The following ERBB4 variants were observed in gnomAD, a reference collection of about 807,000 sequenced individuals.
ERBB4 encodes erb-b2 receptor tyrosine kinase 4, also known as receptor tyrosine-protein kinase erbB-4.
ERBB4 carries 42 observed loss-of-function variants against 158.0 expected under a neutral mutation model. The ratio of observed to expected loss-of-function variants is 0.27; its 90% CI spans 0.21 to 0.34. ERBB4 has a LOEUF of 0.34. Ranked by LOEUF, ERBB4 falls within the 10% of genes least tolerant of loss-of-function variation. The probability of loss-of-function intolerance (pLI) is 1.00; values close to 1 mark genes in which losing one functional copy is unlikely to be tolerated. For missense variants in ERBB4, 1,333 were observed against 1,624.1 expected (o/e 0.82, Z 3.08); for synonymous variants, 583 against 558.7 (o/e 1.04, Z -0.61).
chr2:211,591,965 T>C (rs2068481036), intron 19 of ERBB4, among the ~76,000 whole-genome samples: 1 of 152,208 alleles, frequency 6.6e-6, no homozygotes, highest in South Asian at 2.1e-4. Flanking sequence ...TTGAGACGAA[T>C]TAAGAGTCCA....
At chr2:212,040,835 T>G (rs1020283737) in intron 2 of ERBB4, among the ~76,000 whole-genome samples, 6 of 152,164 alleles carry the variant, frequency 3.9e-5, no homozygotes, top group Admixed American at 1.3e-4. Flanking sequence ...TTTTACCCTT[T>G]GCCTTCTTCA....
At chr2:211,505,107 G>A (rs971877071) in intron 20 of ERBB4, among the ~76,000 whole-genome samples, 8 of 151,880 alleles carry the variant, frequency 5.3e-5, no homozygotes, top group African/African-American at 1.9e-4. Context: ...CAGAACACCT[G>A]GAAGATACTA....
chr2:212,484,243 T>C (rs1030244822), intron 1 of ERBB4, among the ~76,000 whole-genome samples: 1 of 152,234 alleles, frequency 6.6e-6, no homozygotes, highest in East Asian at 1.9e-4. Flanking sequence ...GGGACAATAA[T>C]AGAACGTAAT....
intron 2 of ERBB4, among the ~76,000 whole-genome samples, chr2:212,059,595 A>C (rs2077695987): frequency 6.6e-6 from 1 of 152,174 alleles, no homozygotes; most frequent in Non-Finnish European, 1.5e-5. Context: ...CAAAACAGAG[A>C]TATAGACCAA....
At chr2:212,176,162 C>A (rs11889311) in intron 1 of ERBB4, among the ~76,000 whole-genome samples, 55,471 of 151,810 alleles carry the variant, frequency 0.37, 12,798 homozygotes, top group African/African-American at 0.66. Context: ...CAGGCTAACC[C>A]TTGCTGTGCT....
intron 2 of ERBB4, among the ~76,000 whole-genome samples, chr2:212,057,035 T>C (rs1409254710): frequency 6.6e-6 from 1 of 152,024 alleles, no homozygotes; most frequent in African/African-American, 2.4e-5. Flanking sequence ...AGGAGACCCA[T>C]CTCACGTGCA....
Position 211,583,753 on chromosome 2 carries a change from G to A in ERBB4, c.2302-21665C>T, listed in dbSNP as rs151285330. Among the ~76,000 whole-genome samples the A allele has an allele frequency of 2.2e-3, 329 of 150,902 alleles. 3 individuals carry two copies. The highest frequency in any genetic ancestry group is 7.7e-3 in the African/African-American group (316 of 41,252). On this transcript the variant is annotated intron_variant, in intron 19 of 27. Transcript: ENST00000342788. ...TGTTAATATAAACAATCCAATTTAC[G>A]AATAAAGAAATCATAAAGAGGTCAC...
At chr2:212,457,817 A>G (rs1688375450) in intron 1 of ERBB4, among the ~76,000 whole-genome samples, 1 of 152,036 alleles carries the variant, frequency 6.6e-6, no homozygotes. Context: ...TTGCACTAAC[A>G]TCCTGGAATC....
chr2:212,069,002 G>A (rs2078028644), intron 2 of ERBB4, among the ~76,000 whole-genome samples: 1 of 152,046 alleles, frequency 6.6e-6, no homozygotes. Context: ...CTGCCACCAT[G>A]TAAGACATCA....
At chr2:212,085,555 G>T (rs1176225947) in intron 2 of ERBB4, among the ~76,000 whole-genome samples, 1 of 151,802 alleles carries the variant, frequency 6.6e-6, no homozygotes, top group East Asian at 1.9e-4. Context: ...AGACATTTGG[G>T]CTTAGGTCAT....
At chr2:211,620,973 A>G (rs1156999145) in intron 18 of ERBB4, among the ~76,000 whole-genome samples, 2 of 151,900 alleles carry the variant, frequency 1.3e-5, no homozygotes, top group Non-Finnish European at 2.9e-5. Flanking sequence ...AAATGAGCTG[A>G]GTGTGCTGGC....
rs2072284025 is a variant in ERBB4, at chr2:211,680,356, G to C, written c.1490-1172C>G. ...CCATAAATACTTCAAATGTTATCCT[G>C]AGTGTCTGAAAGTGATTTGAGGTAT... is the stretch of plus-strand genomic sequence containing the variant. On this transcript the variant is annotated intron_variant, in intron 12 of 27. Transcript: ENST00000342788. Among the ~76,000 whole-genome samples, 4 of 152,160 alleles carry C rather than the reference G, an allele frequency of 2.6e-5. No homozygotes were observed. The South Asian group carries it at 8.3e-4, about 32-fold the overall frequency.
chr2:211,543,345 C>T (rs1036765909), intron 20 of ERBB4, among the ~76,000 whole-genome samples: 5 of 151,912 alleles, frequency 3.3e-5, no homozygotes, highest in Non-Finnish European at 5.9e-5. Flanking sequence ...CTTTTAGACC[C>T]ATATAGTGCC....
intron 1 of ERBB4, among the ~76,000 whole-genome samples, chr2:212,319,617 T>C (rs539523371): frequency 6.6e-6 from 1 of 150,492 alleles, no homozygotes; most frequent in East Asian, 2.0e-4. Flanking sequence ...AAGTGAAACA[T>C]TATTTGTTAC....
intron 20 of ERBB4, among the ~76,000 whole-genome samples, chr2:211,526,632 T>A (rs994153069): frequency 3.3e-5 from 5 of 152,080 alleles, no homozygotes; most frequent in Non-Finnish European, 7.3e-5. Flanking sequence ...AATAAAGATA[T>A]CTGATATTTC....
chr2:212,460,908 G>A (rs901968221), intron 1 of ERBB4, among the ~76,000 whole-genome samples: 5 of 152,174 alleles, frequency 3.3e-5, no homozygotes, highest in African/African-American at 1.2e-4. Flanking sequence ...AGGCCTAAGA[G>A]GAAAAAGTGG....
chr2:211,397,141 C>T (rs891675224), intron 25 of ERBB4, among the ~76,000 whole-genome samples: 8 of 152,026 alleles, frequency 5.3e-5, no homozygotes, highest in Admixed American at 4.6e-4. Flanking sequence ...AGAAAATAGC[C>T]CTCCCCGAGA....
chr2:212,477,488 A>G (rs1347721477), intron 1 of ERBB4, among the ~76,000 whole-genome samples: 2 of 152,190 alleles, frequency 1.3e-5, no homozygotes, highest in African/African-American at 4.8e-5. Context: ...CATGTCAATT[A>G]AGGAACCAAC....
chr2:211,882,853 T>A (rs1195600506), intron 3 of ERBB4, among the ~76,000 whole-genome samples: 3 of 152,166 alleles, frequency 2.0e-5, no homozygotes, highest in Non-Finnish European at 4.4e-5. Context: ...ATGTAATTTA[T>A]CTTCACTTCA....
Sources: allele counts gnomAD v4.1 joint callset (sites outside exome capture counted in the v4.1 genomes callset), GRCh38; gene constraint gnomAD v4.1.1; transcripts MANE v1.5; gene names NCBI Gene and HGNC (gene_info 2026-07-23, HGNC 2026-07-21).